Variants in KLHL32 observed in about 807,000 individuals in gnomAD.
KLHL32 encodes the protein kelch like family member 32.
A neutral mutation model predicts 64.8 loss-of-function variants in KLHL32; 35 were observed. The ratio of observed to expected loss-of-function variants is 0.54; its 90% CI spans 0.41 to 0.72. The LOEUF (loss-of-function observed/expected upper bound fraction) is 0.72. Ranked by LOEUF, KLHL32 falls within the 30% of genes least tolerant of loss-of-function variation. The pLI, the probability that KLHL32 is intolerant of heterozygous loss-of-function variation, is 0.00. For synonymous variants in KLHL32, 259 were observed against 281.0 expected (o/e 0.92, Z 0.78); for missense variants, 589 against 768.5 (o/e 0.77, Z 2.76).
chr6:96,965,197 A>G (rs916201972), intron 1 of KLHL32, among the ~76,000 whole-genome samples: 1 of 152,224 alleles, frequency 6.6e-6, no homozygotes, highest in Non-Finnish European at 1.5e-5. Context: ...TACAGCTATT[A>G]ATACATAGTA....
chr6:97,103,175 A>T (rs1314964921), intron 6 of KLHL32, among the ~76,000 whole-genome samples: 1 of 151,826 alleles, frequency 6.6e-6, no homozygotes, highest in African/African-American at 2.4e-5. Flanking sequence ...GTCCAGAGGT[A>T]AAATATATGT....
chr6:97,124,957 G>A (rs1373907374), intron 7 of KLHL32, among the ~76,000 whole-genome samples: 1 of 152,116 alleles, frequency 6.6e-6, no homozygotes, highest in Non-Finnish European at 1.5e-5. Context: ...TGACTATATA[G>A]GCATTTCAGC....
At position 97,041,546 on chromosome 6, in the gene KLHL32, G is replaced by A. The variant is rs1236752449; in HGVS notation, c.259G>A (p.Gly87Ser). 1.2e-5 allele frequency: 20 copies of A among 1,613,734 alleles called. No individual in the cohort carries two copies. Among genetic ancestry groups the A allele is most frequent in the East Asian group, 2.2e-5 (1 of 44,882 alleles). Residue 87 changes from glycine (G) to serine (S), a missense_variant, in exon 4 of 11, where the codon GGT becomes AGT. By Grantham distance (56) the Gly-to-Ser change is moderately conservative. Around this residue, in one of 3 missense-constraint regions of KLHL32, gnomAD observed 191 missense variants for 223.3 expected, o/e 0.86. Coordinates refer to ENST00000369261, the MANE Select transcript of KLHL32 (RefSeq NM_052904.4). ...TGGAGCTGATGAGGTTAATTTGCAC[G>A]GTGTGACCAGCCTTGGCTTAAAGCA... Reference protein sequence around the residue: ...ESGADEVNLHGVTSLGLKQAL... With the variant: ...ESGADEVNLHSVTSLGLKQAL...
intron 4 of KLHL32, among the ~76,000 whole-genome samples, chr6:97,047,884 G>A (rs997258435): frequency 1.3e-5 from 2 of 152,160 alleles, no homozygotes; most frequent in African/African-American, 4.8e-5. Context: ...CAGCACCAAA[G>A]GCCTTGGGAT....
chr6:96,969,144 G>A (rs1340137076), intron 2 of KLHL32, among the ~76,000 whole-genome samples: 1 of 152,110 alleles, frequency 6.6e-6, no homozygotes, highest in Non-Finnish European at 1.5e-5. Flanking sequence ...TGGAGGATAT[G>A]TCTGCTTCAT....
At chr6:97,035,128 T>C (rs1784096968) in intron 3 of KLHL32, among the ~76,000 whole-genome samples, 1 of 152,110 alleles carries the variant, frequency 6.6e-6, no homozygotes, top group Admixed American at 6.5e-5. Context: ...TTATCTTTTG[T>C]ATATCTATTA....
chr6:97,136,209 A>T (rs1305548114), intron 10 of KLHL32, among the ~76,000 whole-genome samples: 10 of 152,034 alleles, frequency 6.6e-5, no homozygotes, highest in South Asian at 2.1e-4. Flanking sequence ...TTTTGCCCTC[A>T]AAAGTACCAG....
intron 1 of KLHL32, among the ~76,000 whole-genome samples, chr6:96,947,400 A>G (rs1202541031): frequency 2.6e-5 from 4 of 152,226 alleles, no homozygotes; most frequent in Admixed American, 6.5e-5. Context: ...TTTTATTTTA[A>G]CATAAATAAG....
At chr6:96,910,284 G>A in the KLHL32 span, among the ~76,000 whole-genome samples, 47 of 148,422 alleles carry the variant, frequency 3.2e-4, no homozygotes, top group Admixed American at 1.5e-3. Flanking sequence ...AGAAGATAAA[G>A]CAAAAAAAAA....
At chr6:96,898,278 A>G in the KLHL32 span, among the ~76,000 whole-genome samples, 4 of 152,242 alleles carry the variant, frequency 2.6e-5, no homozygotes, top group Admixed American at 6.5e-5. Flanking sequence ...TCACAGGGCA[A>G]TGCCACCAAA....
At chr6:97,125,473 A>G (rs1798776192) in intron 7 of KLHL32, among the ~76,000 whole-genome samples, 1 of 152,264 alleles carries the variant, frequency 6.6e-6, no homozygotes, top group Admixed American at 6.5e-5. Flanking sequence ...AATAGGAGAG[A>G]GAGATCAGAA....
At chr6:97,053,656 G>C (rs939982396) in intron 4 of KLHL32, among the ~76,000 whole-genome samples, 49 of 151,862 alleles carry the variant, frequency 3.2e-4, no homozygotes, top group Non-Finnish European at 1.6e-4. Context: ...ATTTTATAAA[G>C]ATTTTGTGAT....
chr6:96,920,996 T>G (rs1436688606), upstream of KLHL32, among the ~76,000 whole-genome samples: 1 of 152,236 alleles, frequency 6.6e-6, no homozygotes, highest in African/African-American at 2.4e-5. Flanking sequence ...AATATTTTTT[T>G]GACTTGGATT....
intron 1 of KLHL32, among the ~76,000 whole-genome samples, chr6:96,958,070 A>G (rs1773463240): frequency 6.6e-6 from 1 of 152,180 alleles, no homozygotes; most frequent in South Asian, 2.1e-4. Context: ...CAGGATGACC[A>G]GATAATTTAT....
At chr6:97,122,626 C>CT (rs1554247399) in intron 7 of KLHL32, among the ~76,000 whole-genome samples, 2 of 152,124 alleles carry the variant, frequency 1.3e-5, no homozygotes, top group South Asian at 2.1e-4. Flanking sequence ...AAGTTATAGT[C>CT]TTTCAAGAAC....
chr6:96,923,147 C>T (rs981197533), upstream of KLHL32, among the ~76,000 whole-genome samples: 7 of 152,250 alleles, frequency 4.6e-5, no homozygotes, highest in Non-Finnish European at 1.0e-4. Context: ...ATAGTCTTTG[C>T]TCTATTTAAT....
At chr6:97,044,424 G>A (rs937174543) in intron 4 of KLHL32, among the ~76,000 whole-genome samples, 6 of 151,976 alleles carry the variant, frequency 3.9e-5, no homozygotes, top group African/African-American at 1.4e-4. Context: ...TTCTTGAGGA[G>A]TTTTGCAGCC....
At chr6:97,016,044 T>C (rs9481196) in intron 3 of KLHL32, among the ~76,000 whole-genome samples, 9,901 of 152,244 alleles carry the variant, frequency 0.065, 690 homozygotes, top group African/African-American at 0.17. Context: ...TGTATGGAAA[T>C]ACCTGCATGT....
At chr6:96,899,043 G>GT in the KLHL32 span, among the ~76,000 whole-genome samples, 3 of 152,134 alleles carry the variant, frequency 2.0e-5, no homozygotes, top group Non-Finnish European at 4.4e-5. Flanking sequence ...GAAAGGGAAA[G>GT]TTTTTTAAAA....
Sources: gnomAD v4.1 joint callset for allele counts (sites outside exome capture counted in the v4.1 genomes callset) on GRCh38, gnomAD v4.1.1 for gene constraint, gnomAD v4.1.1 regional missense constraint, MANE v1.5 for transcripts, NCBI Gene and HGNC (gene_info 2026-07-23, HGNC 2026-07-21) for gene names.